Variants in BLTP1 observed in about 807,000 individuals in gnomAD.
The protein encoded by BLTP1 is bridge-like lipid transfer protein family member 1, also known as fragile site-associated protein.
At chr4:122,333,900 T>C in the BLTP1 span, 2 of 1,459,914 alleles carry the variant, frequency 1.4e-6, no homozygotes, top group African/African-American at 2.9e-5. Flanking sequence ...CTCATTATAT[T>C]AAAATGAGAC....
chr4:122,156,100 G>A, the BLTP1 span: 3 of 337,296 alleles, frequency 8.9e-6, no homozygotes, highest in South Asian at 2.4e-4. Context: ...AGTAGATTGG[G>A]GAACATGATT....
the BLTP1 span, chr4:122,259,985 G>C: frequency 2.6e-6 from 2 of 769,384 alleles, no homozygotes; most frequent in Non-Finnish European, 3.2e-6. Flanking sequence ...GTAATATATA[G>C]TCATGCATCA....
chr4:122,347,125 G>A, the BLTP1 span: 11 of 984,378 alleles, frequency 1.1e-5, no homozygotes, highest in South Asian at 4.7e-5. Context: ...CATGGTTAGC[G>A]AAGCATGGGA....
chr4:122,304,298 G>A, the BLTP1 span, among the ~76,000 whole-genome samples: 4 of 152,066 alleles, frequency 2.6e-5, 1 homozygote, highest in South Asian at 4.1e-4. Context: ...TGCAACCTCC[G>A]ACTCCCTGGT....
At chr4:122,257,558 C>T in the BLTP1 span, 6 of 1,440,556 alleles carry the variant, frequency 4.2e-6, no homozygotes, top group Admixed American at 5.4e-5. Flanking sequence ...TGTTTTCTTA[C>T]TCAACACAAT....
the BLTP1 span, chr4:122,243,409 C>G: frequency 3.0e-5 from 30 of 985,132 alleles, no homozygotes; most frequent in Non-Finnish European, 3.6e-5. Flanking sequence ...TTTAGTACTT[C>G]TTTTTGGCCT....
chr4:122,277,734 A>G, the BLTP1 span: 1 of 982,780 alleles, frequency 1.0e-6, no homozygotes, highest in African/African-American at 1.7e-5. Context: ...CTTCCTATCA[A>G]TTTCTTGTAA....
the BLTP1 span, chr4:122,207,520 T>A: frequency 1.9e-5 from 29 of 1,504,236 alleles, no homozygotes; most frequent in Non-Finnish European, 2.5e-5. Context: ...TCTTCTTTTT[T>A]TTTTTTTTTT....
the BLTP1 span, chr4:122,248,059 T>C: frequency 5.1e-6 from 5 of 985,234 alleles, no homozygotes; most frequent in South Asian, 4.7e-5. Flanking sequence ...TTATAGGTTC[T>C]GAAGTTTCCA....
the BLTP1 span, chr4:122,261,932 G>C: frequency 1.8e-5 from 18 of 985,210 alleles, no homozygotes; most frequent in Middle Eastern, 5.2e-4. Flanking sequence ...TTTCAGAGGA[G>C]GTTAAGACAT....
chr4:122,246,980 A>C, the BLTP1 span: 5 of 886,996 alleles, frequency 5.6e-6, no homozygotes, highest in Non-Finnish European at 6.8e-6. Flanking sequence ...TGTCTTTAAA[A>C]AATTTTTACT....
chr4:122,229,807 T>A, the BLTP1 span: 1 of 1,360,780 alleles, frequency 7.3e-7, no homozygotes, highest in Non-Finnish European at 9.5e-7. Flanking sequence ...TTCTTTTTCC[T>A]TTATTTTCTC....
chr4:122,336,866 A>G, the BLTP1 span: 1 of 1,588,210 alleles, frequency 6.3e-7, no homozygotes, highest in South Asian at 1.2e-5. Flanking sequence ...AAACTTAACC[A>G]AATATTTTAA....
At chr4:122,298,429 C>T in the BLTP1 span, 3 of 184,782 alleles carry the variant, frequency 1.6e-5, no homozygotes, top group East Asian at 1.9e-4. Context: ...CTAACAAATC[C>T]TCAAAATGTA....
the BLTP1 span, among the ~76,000 whole-genome samples, chr4:122,301,898 C>T: frequency 2.0e-5 from 3 of 152,010 alleles, no homozygotes; most frequent in South Asian, 6.2e-4. Flanking sequence ...TTTGTCTCTA[C>T]AAAAAATTTG....
At chr4:122,202,567 C>G in the BLTP1 span, 4 of 966,068 alleles carry the variant, frequency 4.1e-6, no homozygotes, top group Non-Finnish European at 3.7e-6. Context: ...TTTTGCTTCT[C>G]ACTTAAGATT....
chr4:122,256,292 C>G, the BLTP1 span, among the ~76,000 whole-genome samples: 2 of 152,174 alleles, frequency 1.3e-5, no homozygotes, highest in African/African-American at 4.8e-5. Flanking sequence ...TACTCCCTCC[C>G]TGTGAATTGA....
the BLTP1 span, chr4:122,347,803 A>G: frequency 3.2e-6 from 5 of 1,562,650 alleles, no homozygotes; most frequent in African/African-American, 4.1e-5. Context: ...TTTTGTTATC[A>G]GTAGCCCTAC....
chr4:122,287,499 G>C, the BLTP1 span: 1 of 804,954 alleles, frequency 1.2e-6, no homozygotes, highest in Non-Finnish European at 1.5e-6. Flanking sequence ...AGAGGCAGGA[G>C]CCACGCCTTA....
Sources: allele counts gnomAD v4.1 joint callset (sites outside exome capture counted in the v4.1 genomes callset), GRCh38; gene constraint gnomAD v4.1.1; transcripts MANE v1.5; gene names NCBI Gene and HGNC (gene_info 2026-07-23, HGNC 2026-07-21).